The following LIPA variants were observed in gnomAD, a reference collection of about 807,000 sequenced individuals.
LIPA encodes lysosomal acid lipase/cholesteryl ester hydrolase.
A neutral mutation model predicts 40.6 loss-of-function variants in LIPA; 26 were observed. That is an observed-to-expected ratio of 0.64 (90% CI 0.47 to 0.89). The LOEUF (loss-of-function observed/expected upper bound fraction) is 0.89, where lower values mean the gene tolerates loss of function less well. LIPA is among the 40% of genes least tolerant of loss of function. The pLI, the probability that LIPA is intolerant of heterozygous loss-of-function variation, is 0.00. For synonymous variants in LIPA, 188 were observed against 168.4 expected, an observed-to-expected ratio of 1.12 and a Z score of -0.90; for missense variants, 455 against 479.6, an observed-to-expected ratio of 0.95 and a Z score of 0.48.
At chr10:89,277,747 T>C (rs1292263420) in intron 1 of LIPA, among the ~76,000 whole-genome samples, 5 of 152,210 alleles carry the variant, frequency 3.3e-5, no homozygotes, top group Non-Finnish European at 7.3e-5. Flanking sequence ...TATGACTGGA[T>C]TGGAGGCAGT....
intron 3 of LIPA, among the ~76,000 whole-genome samples, chr10:89,238,554 G>C (rs1422807064): frequency 1.3e-5 from 2 of 152,048 alleles, no homozygotes; most frequent in Non-Finnish European, 2.9e-5. Flanking sequence ...CACTTCTCCT[G>C]TCTCCCCTTC....
chr10:89,325,538 A>G (rs760287202), intron 1 of LIPA, among the ~76,000 whole-genome samples: 5 of 152,172 alleles, frequency 3.3e-5, no homozygotes, highest in Non-Finnish European at 7.4e-5. Context: ...TGCAGCCACA[A>G]AAAAAAGAAT....
intron 1 of LIPA, among the ~76,000 whole-genome samples, chr10:89,336,172 GGGAAGGAA>G (rs1180450072): frequency 6.0e-5 from 9 of 150,112 alleles, no homozygotes; most frequent in Admixed American, 6.0e-4. Context: ...GAGGGAGGGA[GGGAAGGAA>G]GGAAGGAAGG....
rs577460904 is a variant in LIPA at position 89,270,781 on chromosome 10, T to A, written c.-1-23132A>T. Among the ~76,000 whole-genome samples the A allele has an allele frequency of 7.9e-5, 12 of 152,336 alleles. No homozygotes were observed. In the East Asian group the frequency reaches 2.1e-3, roughly 27 times the overall value. On this transcript the variant is annotated intron_variant, in intron 1 of 5. Coordinates refer to the LIPA transcript ENST00000282673. ...AACAGATCTGATGGTGCTCGAAGTG[T>A]CTGTGACAGATAGGGAGGCTCTATG...
At chr10:89,299,519 T>C (rs1243892246) in intron 1 of LIPA, among the ~76,000 whole-genome samples, 1 of 152,104 alleles carries the variant, frequency 6.6e-6, no homozygotes, top group Non-Finnish European at 1.5e-5. Context: ...CCCAATCAGA[T>C]ACAGTGAAAA....
At chr10:89,329,064 G>C (rs1295578115) in intron 1 of LIPA, among the ~76,000 whole-genome samples, 1 of 152,138 alleles carries the variant, frequency 6.6e-6, no homozygotes, top group Non-Finnish European at 1.5e-5. Flanking sequence ...TCAGGGGATA[G>C]CATGTTAGGG....
rs369721324 is a variant in LIPA at position 89,312,256 on chromosome 10, C to A, written c.-2+30355G>T. 3.9e-5 allele frequency among the ~76,000 whole-genome samples: 6 copies of A among 152,150 alleles called. No homozygotes were observed. In the South Asian group the frequency reaches 1.2e-3, roughly 32 times the overall value. ...AGGAGTTCGAGACCAGCCTGGACAGCATGGTGAAACCCTATCTCTACAAAA... is the reference window on the plus strand; with the variant it reads ...AGGAGTTCGAGACCAGCCTGGACAGAATGGTGAAACCCTATCTCTACAAAA... On this transcript the variant is annotated intron_variant, in intron 1 of 5. Transcript: ENST00000282673.
intron 2 of LIPA, among the ~76,000 whole-genome samples, chr10:89,349,798 C>T (rs1050779003): frequency 3.3e-5 from 5 of 152,116 alleles, no homozygotes; most frequent in African/African-American, 1.2e-4. Context: ...TCAGACTATG[C>T]CACCCCAAAA....
chr10:89,317,314 C>A (rs1843546529), intron 1 of LIPA, among the ~76,000 whole-genome samples: 1 of 152,112 alleles, frequency 6.6e-6, no homozygotes, highest in Non-Finnish European at 1.5e-5. Context: ...AAGCTAATAA[C>A]CTTGAAAAAA....
At chr10:89,268,429 T>A (rs532238230) in intron 1 of LIPA, among the ~76,000 whole-genome samples, 17 of 152,360 alleles carry the variant, frequency 1.1e-4, no homozygotes, top group African/African-American at 3.8e-4. Context: ...TAATTTTTTT[T>A]ATAAATCCAA....
At chr10:89,312,467 A>C (rs567855209) in intron 1 of LIPA, among the ~76,000 whole-genome samples, 7 of 152,078 alleles carry the variant, frequency 4.6e-5, no homozygotes, top group Non-Finnish European at 8.8e-5. Flanking sequence ...AATAATAATA[A>C]TTCAATAAAG....
chr10:89,367,154 A>G (rs1844062172), intron 2 of LIPA, among the ~76,000 whole-genome samples: 1 of 136,756 alleles, frequency 7.3e-6, no homozygotes, highest in Non-Finnish European at 1.6e-5. Flanking sequence ...AAAAGGGAAC[A>G]TCACACACCG....
At chr10:89,410,791 A>T (rs1841462572) in intron 2 of LIPA, among the ~76,000 whole-genome samples, 2 of 152,216 alleles carry the variant, frequency 1.3e-5, no homozygotes, top group African/African-American at 4.8e-5. Flanking sequence ...AAACCCAAGG[A>T]GGTGGCAGTC....
At chr10:89,398,204 A>G (rs1261662695) in intron 2 of LIPA, among the ~76,000 whole-genome samples, 1 of 152,204 alleles carries the variant, frequency 6.6e-6, no homozygotes, top group Non-Finnish European at 1.5e-5. Flanking sequence ...CAGCTGTTCT[A>G]TAACTCTGAG....
chr10:89,228,110 A>T, intron 4 of LIPA, 90 bp downstream of exon 4: 1 of 1,095,366 alleles, frequency 9.1e-7, no homozygotes, highest in South Asian at 1.3e-5. Context: ...CTTCAGAGTT[A>T]CCACCTATCT....
At chr10:89,400,308 C>CA (rs1215344043) in intron 2 of LIPA, among the ~76,000 whole-genome samples, 1 of 152,066 alleles carries the variant, frequency 6.6e-6, no homozygotes, top group Admixed American at 6.5e-5. Context: ...TCTATTTCTG[C>CA]AAAAAATGTC....
intron 1 of LIPA, chr10:89,340,280 C>T (rs1044050167): frequency 1.8e-5 from 14 of 763,186 alleles, no homozygotes; most frequent in African/African-American, 3.5e-5. Flanking sequence ...GTTTTTTGGC[C>T]GGGCGCAGTG....
chr10:89,403,383 A>C lies in LIPA; in HGVS notation c.61+9408T>G, dbSNP rs1564811485. ...GAATTTTCAAAAATTGTTATGCATG[A>C]AACCAGTGGTAGAAGAAACAATGCA... On this transcript the variant is annotated intron_variant, in intron 2 of 8. Coordinates refer to the LIPA transcript ENST00000371837. 6.2e-7 allele frequency: 1 copy of C among 1,613,674 alleles called. No individual in the cohort carries two copies. The highest frequency in any genetic ancestry group is 8.5e-7 in the Non-Finnish European group (1 of 1,179,840).
chr10:89,318,198 T>A lies in LIPA; in HGVS notation c.-2+24413A>T, dbSNP rs74767245. ...ACCAGCTAACATGATAAGGACAGGA[T>A]CATATTCACACATAACAATATTAAC... On this transcript the variant is annotated intron_variant, in intron 1 of 5. Transcript: ENST00000282673. Among the ~76,000 whole-genome samples the A allele has an allele frequency of 3.3e-5, 5 of 152,134 alleles. No homozygotes were observed. In the South Asian group the frequency reaches 1.0e-3, roughly 32 times the overall value.
Sources: gnomAD v4.1 joint callset for allele counts (sites outside exome capture counted in the v4.1 genomes callset) on GRCh38, gnomAD v4.1.1 for gene constraint, MANE v1.5 for transcripts, NCBI Gene and HGNC (gene_info 2026-07-23, HGNC 2026-07-21) for gene names.